The following PRKCI variants were observed in gnomAD, a reference collection of about 807,000 sequenced individuals.
PRKCI encodes the protein protein kinase C iota type.
PRKCI carries 43 observed loss-of-function variants against 84.0 expected under a neutral mutation model. That is an observed-to-expected ratio of 0.51 (90% CI 0.40 to 0.66). PRKCI has a LOEUF of 0.66. PRKCI is among the 30% of genes least tolerant of loss of function. PRKCI has a pLI of 0.00. For synonymous variants in PRKCI, 216 were observed against 234.4 expected, an observed-to-expected ratio of 0.92 and a Z score of 0.72; for missense variants, 459 against 745.6, an observed-to-expected ratio of 0.62 and a Z score of 4.48.
chr3:170,232,151 C>T (rs58352436), intron 1 of PRKCI, among the ~76,000 whole-genome samples: 12,762 of 150,406 alleles, frequency 0.085, 686 homozygotes, highest in East Asian at 0.17. Context: ...CCCAGGCTCA[C>T]GCAGTCCTCC....
intron 12 of PRKCI, among the ~76,000 whole-genome samples, chr3:170,286,825 T>C (rs1031226709): frequency 3.4e-5 from 5 of 147,898 alleles, no homozygotes; most frequent in African/African-American, 1.2e-4. Context: ...TTTTTTTTTT[T>C]AAATAGAGAC....
At chr3:170,273,229 T>G (rs1734039696) in intron 6 of PRKCI, 57 bp from the exon 7 acceptor site, 4 of 1,372,650 alleles carry the variant, frequency 2.9e-6, no homozygotes, top group Non-Finnish European at 4.1e-6. Context: ...AATAGTGTTA[T>G]TTCTGGTGTA....
chr3:170,230,375 G>A (rs982008952), intron 1 of PRKCI, among the ~76,000 whole-genome samples: 1 of 152,172 alleles, frequency 6.6e-6, no homozygotes, highest in Non-Finnish European at 1.5e-5. Context: ...CAGTCGCCCA[G>A]GCTGGAGTGC....
In PRKCI at chr3:170,297,292, CT is replaced by C. The variant is rs745414588; in HGVS notation, c.1498-9del. On this transcript the variant is annotated splice_polypyrimidine_tract_variant and intron_variant, in intron 15 of 17. Transcript: ENST00000295797. Reference sequence around the variant, plus strand: ...CATTCACCCAATTCTTGAAACATTTCTTTCACCATAGGACCCTAAGGAACGA... The same window carrying C: ...CATTCACCCAATTCTTGAAACATTTCTTCACCATAGGACCCTAAGGAACGA... 1 of 1,600,284 alleles carries C rather than the reference CT, an allele frequency of 6.2e-7. No individual in the cohort carries two copies. Among genetic ancestry groups the C allele is most frequent in the South Asian group, 1.1e-5 (1 of 90,562 alleles).
intron 13 of PRKCI, among the ~76,000 whole-genome samples, chr3:170,292,445 C>G (rs1255799314): frequency 6.6e-6 from 1 of 152,230 alleles, no homozygotes; most frequent in East Asian, 1.9e-4. Context: ...CTCAGGCACC[C>G]GAAGATACAC....
intron 2 of PRKCI, among the ~76,000 whole-genome samples, chr3:170,235,675 C>A (rs1439943889): frequency 1.3e-5 from 2 of 151,614 alleles, no homozygotes; most frequent in African/African-American, 2.4e-5. Context: ...AAGCGATTCT[C>A]CTGCCTCAGC....
intron 12 of PRKCI, among the ~76,000 whole-genome samples, chr3:170,288,008 A>G (rs984805083): frequency 6.7e-6 from 1 of 150,196 alleles, no homozygotes; most frequent in South Asian, 2.1e-4. Flanking sequence ...GCATTTTGGG[A>G]GGCCGAGGCA....
chr3:170,259,938 G>A (rs768827025), intron 2 of PRKCI, 31 bp from the exon 3 acceptor site: 5 of 1,435,814 alleles, frequency 3.5e-6, no homozygotes, highest in Non-Finnish European at 4.8e-6. Flanking sequence ...GGGTTTTAAA[G>A]TGACCTTTAC....
intron 7 of PRKCI, 74 bp downstream of exon 7, chr3:170,273,414 T>C: frequency 7.2e-7 from 1 of 1,391,238 alleles, no homozygotes; most frequent in Non-Finnish European, 1.0e-6. Flanking sequence ...GTGACTCTCT[T>C]ACCCAAGTTT....
intron 1 of PRKCI, among the ~76,000 whole-genome samples, chr3:170,232,853 T>C (rs1732837039): frequency 6.6e-6 from 1 of 152,186 alleles, no homozygotes; most frequent in African/African-American, 2.4e-5. Flanking sequence ...AACTGGACCT[T>C]GAACTTCAAA....
intron 2 of PRKCI, among the ~76,000 whole-genome samples, chr3:170,245,949 GTTTTTTTTT>G (rs112482352): frequency 1.2e-5 from 1 of 82,462 alleles, no homozygotes; most frequent in Non-Finnish European, 2.4e-5. Context: ...TTATGTCTTT[GTTTTTTTTT>G]TTTTTTTTTT....
chr3:170,270,847 T>TC (rs1007293650), intron 6 of PRKCI, among the ~76,000 whole-genome samples: 1 of 152,218 alleles, frequency 6.6e-6, no homozygotes, highest in Non-Finnish European at 1.5e-5. Flanking sequence ...AAGAGTTTTT[T>TC]CCCCCTCTCC....
intron 5 of PRKCI, among the ~76,000 whole-genome samples, chr3:170,269,674 A>G (rs1733951628): frequency 1.3e-5 from 2 of 151,738 alleles, no homozygotes; most frequent in South Asian, 4.1e-4. Context: ...ATAAAAAGAG[A>G]GACCAAGTGC....
chr3:170,267,030 T>G (rs538173600), intron 4 of PRKCI, among the ~76,000 whole-genome samples: 1 of 152,272 alleles, frequency 6.6e-6, no homozygotes, highest in South Asian at 2.1e-4. Flanking sequence ...TAGGGAAGTT[T>G]GTATATGAAT....
rs1232107067 is a variant in PRKCI, at chr3:170,280,112, A to G, written c.706-115A>G. On this transcript the variant is annotated intron_variant, in intron 8 of 17. Transcript: ENST00000295797. ...TTGAAAAATATTAAGAACTTAAAAT[A>G]TTTTTATGTTAGGAAAATATCTTTA... 4.9e-5 allele frequency: 47 copies of G among 949,790 alleles called. 1 individual carries two copies. The highest frequency in any genetic ancestry group is 6.8e-5 in the Non-Finnish European group (46 of 679,024). The allele number at this position is 949,790 out of a possible 1,614,324, so 58.8% of individuals were successfully genotyped here.
intron 5 of PRKCI, among the ~76,000 whole-genome samples, chr3:170,269,610 G>A (rs1383902822): frequency 1.3e-5 from 2 of 152,066 alleles, no homozygotes; most frequent in Non-Finnish European, 2.9e-5. Context: ...GACTCCACTG[G>A]ACTCCAGCCT....
At chr3:170,237,113 G>A (rs942687546) in intron 2 of PRKCI, among the ~76,000 whole-genome samples, 46 of 152,150 alleles carry the variant, frequency 3.0e-4, no homozygotes, top group Admixed American at 3.0e-3. Flanking sequence ...GAGGAGGTGA[G>A]GAGAAAACCA....
rs199938459 is a variant in PRKCI, at chr3:170,235,566, C to CTTTTTT, written c.223+227_223+232dup. Among the ~76,000 whole-genome samples the CTTTTTT allele has an allele frequency of 6.8e-4, 93 of 136,224 alleles. 2 individuals carry two copies. The highest frequency in any genetic ancestry group is 2.4e-3 in the African/African-American group (88 of 37,398). The allele number at this position is 136,224 out of a possible 152,430, so 89.4% of individuals were successfully genotyped here. ...CCAAAATGATGTGAAATTAACTTGACTTTTTTTTTTTTTTTTTGAGACGGA... is the reference window on the plus strand; with the variant it reads ...CCAAAATGATGTGAAATTAACTTGACTTTTTTTTTTTTTTTTTTTTTTTGAGACGGA... On this transcript the variant is annotated intron_variant, in intron 2 of 17. Transcript: ENST00000295797.
At chr3:170,292,898 G>A (rs1045337410) in intron 13 of PRKCI, among the ~76,000 whole-genome samples, 11 of 149,724 alleles carry the variant, frequency 7.3e-5, no homozygotes, top group African/African-American at 2.2e-4. Context: ...AAAATTAGCC[G>A]GGCGTGTTCA....
Sources: allele counts gnomAD v4.1 joint callset (sites outside exome capture counted in the v4.1 genomes callset), GRCh38; gene constraint gnomAD v4.1.1; transcripts MANE v1.5; gene names NCBI Gene and HGNC (gene_info 2026-07-23, HGNC 2026-07-21).